PIR: variants seen among roughly 807,000 people sequenced by gnomAD.
PIR encodes the protein pirin (iron-binding nuclear protein).
Under a neutral mutation model 24.2 loss-of-function variants are expected in PIR, and 22 were observed. The ratio of observed to expected loss-of-function variants is 0.91; its 90% CI spans 0.65 to 1.30. The LOEUF is 1.30. Among genes scored for constraint, PIR ranks in the 50% most tolerant of loss-of-function variants. The pLI, the probability that PIR is intolerant of heterozygous loss-of-function variation, is 0.00. For synonymous variants in PIR, 80 were observed against 79.6 expected (o/e 1.00, Z -0.03); for missense variants, 220 against 220.3 (o/e 1.00, Z 0.01).
At chrX:15,471,422 G>C in intron 3 of PIR, among the ~76,000 whole-genome samples, 1 of 111,979 alleles carries the variant, frequency 8.9e-6, no homozygotes, top group East Asian at 2.8e-4. Context: ...TAAGTTGACA[G>C]TTTCAGGATG....
chrX:15,395,380 C>G (rs1003720122), intron 8 of PIR, among the ~76,000 whole-genome samples: 61 of 111,839 alleles, frequency 5.5e-4, no homozygotes, highest in African/African-American at 1.9e-3. Context: ...GAGTTTTAGG[C>G]TTTATTTGTC....
Position 15,491,320 on chromosome X carries a change from G to T in PIR, c.-52-11C>A. ...GTAGAGGATGGAGGGCTAAAGGAAG[G>T]ACAACAAAAAAAAAAGAAGTCATAA... On this transcript the variant is annotated splice_polypyrimidine_tract_variant and intron_variant, in intron 1 of 9. Coordinates refer to ENST00000380420, the MANE Select transcript of PIR (RefSeq NM_001018109.3). 1 of 711,362 alleles carries T rather than the reference G, an allele frequency of 1.4e-6. No individual in the cohort carries two copies. Among genetic ancestry groups the T allele is most frequent in the Non-Finnish European group, 2.1e-6 (1 of 478,508 alleles). 58.6% of individuals were successfully genotyped at this position (711,362 alleles called of 1,213,427 possible).
chrX:15,475,913 A>G (rs925573343), intron 3 of PIR, among the ~76,000 whole-genome samples: 5 of 112,238 alleles, frequency 4.5e-5, no homozygotes, highest in African/African-American at 1.6e-4. Flanking sequence ...CTCAATTTTC[A>G]GGCAAATTTT....
intron 7 of PIR, 141 bp downstream of exon 7, chrX:15,407,365 G>T: frequency 2.0e-6 from 1 of 512,338 alleles, no homozygotes; most frequent in Non-Finnish European, 3.5e-6. Flanking sequence ...GCATACCTGT[G>T]CTGGGATATA....
chrX:15,404,064 A>G (rs1388603491), intron 7 of PIR, among the ~76,000 whole-genome samples: 1 of 107,600 alleles, frequency 9.3e-6, no homozygotes, highest in Admixed American at 1.0e-4. Context: ...GCAGTGGCAC[A>G]GTCTCAGATC....
chrX:15,385,554 T>G (rs1923716360), intron 9 of PIR, among the ~76,000 whole-genome samples: 1 of 112,334 alleles, frequency 8.9e-6, no homozygotes, highest in Non-Finnish European at 1.9e-5. Context: ...GTATACTTAT[T>G]TGAGGATTCT....
intron 6 of PIR, among the ~76,000 whole-genome samples, chrX:15,410,075 A>AC (rs1924689423): frequency 9.0e-6 from 1 of 110,565 alleles, no homozygotes; most frequent in Non-Finnish European, 1.9e-5. Flanking sequence ...ACATGGTGAA[A>AC]CCCCGTCTCT....
intron 3 of PIR, among the ~76,000 whole-genome samples, chrX:15,477,056 GC>G (rs1401065999): frequency 1.8e-5 from 2 of 111,933 alleles, no homozygotes; most frequent in Admixed American, 1.9e-4. Context: ...AAAAACAATA[GC>G]TATTTCTGGA....
rs761528281 is a variant in PIR, at chrX:15,425,876, G to A, written c.565+30C>T. On this transcript the variant is annotated intron_variant, in intron 6 of 9. Coordinates refer to ENST00000380420, the MANE Select transcript of PIR (RefSeq NM_001018109.3). ...TTTCTTTTCTTTTTTTTTTCCTGAC[G>A]TGACTACTAAACCCCAGAACCCATC... 1.2e-5 allele frequency: 10 copies of A among 830,321 alleles called. No homozygotes were observed. In the Admixed American group the frequency reaches 1.6e-4, roughly 13 times the overall value. The allele number at this position is 830,321 out of a possible 1,213,427, so 68.4% of individuals were successfully genotyped here.
At chrX:15,455,616 TCG>T (rs992116437) in intron 5 of PIR, among the ~76,000 whole-genome samples, 3 of 112,579 alleles carry the variant, frequency 2.7e-5, no homozygotes, top group Non-Finnish European at 3.7e-5. Context: ...AAATTGCTCC[TCG>T]ACCAAACTTT....
intron 5 of PIR, among the ~76,000 whole-genome samples, chrX:15,446,551 G>T (rs1014566272): frequency 4.5e-5 from 5 of 111,726 alleles, no homozygotes; most frequent in Admixed American, 9.4e-5. Flanking sequence ...ATTCAAAGTT[G>T]TCCTGGGCCG....
At chrX:15,411,788 G>A (rs887169508) in intron 6 of PIR, among the ~76,000 whole-genome samples, 4 of 111,024 alleles carry the variant, frequency 3.6e-5, no homozygotes, top group African/African-American at 6.6e-5. Context: ...CTTCCCTCCC[G>A]CTCCTCCTTC....
At chrX:15,408,740 C>T (rs1924629610) in intron 6 of PIR, among the ~76,000 whole-genome samples, 1 of 111,859 alleles carries the variant, frequency 8.9e-6, no homozygotes, top group South Asian at 3.8e-4. Context: ...CAGTTCAATG[C>T]TGGAAGGACA....
At chrX:15,394,122 T>C (rs2147000995) in intron 8 of PIR, among the ~76,000 whole-genome samples, 1 of 110,672 alleles carries the variant, frequency 9.0e-6, no homozygotes, top group Admixed American at 9.7e-5. Flanking sequence ...ATTATAGTGA[T>C]ATATTACCTG....
intron 3 of PIR, among the ~76,000 whole-genome samples, chrX:15,468,530 T>C (rs974054137): frequency 1.8e-5 from 2 of 112,827 alleles, no homozygotes; most frequent in Non-Finnish European, 1.9e-5. Context: ...TTCCTTTTAA[T>C]ATTTTGTTAA....
chrX:15,421,383 A>G (rs906325806), intron 6 of PIR, among the ~76,000 whole-genome samples: 2 of 111,625 alleles, frequency 1.8e-5, no homozygotes, highest in African/African-American at 3.3e-5. Context: ...GATAAATAAA[A>G]TTGACAAACC....
chrX:15,433,544 G>GAA (rs780968509), intron 5 of PIR, among the ~76,000 whole-genome samples: 11,857 of 58,494 alleles, frequency 0.2, 1,654 homozygotes, highest in Non-Finnish European at 0.22. Context: ...AAGAAAGAAA[G>GAA]AGAGAGAAAG....
chrX:15,437,524 G>A (rs939578374), intron 5 of PIR, among the ~76,000 whole-genome samples: 15 of 111,755 alleles, frequency 1.3e-4, no homozygotes, highest in African/African-American at 4.6e-4. Flanking sequence ...CCCCATGTTG[G>A]TTACTTCCTT....
chrX:15,465,621 C>A (rs763852071), intron 3 of PIR, among the ~76,000 whole-genome samples: 285 of 112,221 alleles, frequency 2.5e-3, no homozygotes, highest in Middle Eastern at 4.6e-3. Flanking sequence ...CTTCTTGGTC[C>A]TGCTTCCTCT....
Sources: gnomAD v4.1 joint callset for allele counts (sites outside exome capture counted in the v4.1 genomes callset) on GRCh38, gnomAD v4.1.1 for gene constraint, MANE v1.5 for transcripts, NCBI Gene and HGNC (gene_info 2026-07-23, HGNC 2026-07-21) for gene names.